The following SYN3 variants were observed in gnomAD, a reference collection of about 807,000 sequenced individuals.
SYN3 encodes synapsin-3.
In SYN3, 35 loss-of-function variants were observed where a neutral mutation model predicts 65.8. The observed-to-expected ratio is 0.53, with a 90% CI of 0.41 to 0.70. The LOEUF (loss-of-function observed/expected upper bound fraction) is 0.70. Ranked by LOEUF, SYN3 falls within the 30% of genes least tolerant of loss-of-function variation. SYN3 has a pLI of 0.00. For synonymous variants in SYN3, 270 were observed against 292.9 expected (o/e 0.92, Z 0.80); for missense variants, 680 against 749.0 (o/e 0.91, Z 1.08).
In SYN3 at chr22:32,805,029, G is replaced by A. The variant is rs1192792334; in HGVS notation, c.711+59886C>T. ...TTTCTGAAAATGTGCGTGTGTGCGT[G>A]TGTGTGTGTGTGCGCGTGTGTGGCT... On this transcript the variant is annotated intron_variant, in intron 6 of 13. Transcript: ENST00000358763. Among the ~76,000 whole-genome samples the A allele has an allele frequency of 7.6e-4, 4 of 5,298 alleles. No homozygotes were observed. In the African/African-American group the frequency reaches 0.016, roughly 21 times the overall value. The allele number at this position is 5,298 out of a possible 152,430, so 3.5% of individuals were successfully genotyped here. A position where few individuals can be genotyped will look rare whatever the true frequency, so the allele number is the denominator to read the frequency against.
At chr22:33,008,010 C>T (rs766012160) in intron 1 of SYN3, among the ~76,000 whole-genome samples, 10 of 151,716 alleles carry the variant, frequency 6.6e-5, no homozygotes, top group East Asian at 1.9e-4. Flanking sequence ...GATCTTGGCT[C>T]ACTGCAACCT....
chr22:32,523,914 C>G (rs898372811), intron 12 of SYN3, among the ~76,000 whole-genome samples: 7 of 152,182 alleles, frequency 4.6e-5, no homozygotes, highest in African/African-American at 1.7e-4. Context: ...ATCAAAACAG[C>G]CTCATTGCTG....
intron 4 of SYN3, among the ~76,000 whole-genome samples, chr22:32,919,263 C>A (rs1164970483): frequency 6.6e-6 from 1 of 152,216 alleles, no homozygotes; most frequent in Non-Finnish European, 1.5e-5. Flanking sequence ...CCTCAGGAGG[C>A]CTTCCCTGCT....
intron 3 of SYN3, among the ~76,000 whole-genome samples, chr22:32,950,284 GT>G (rs1290761136): frequency 6.6e-6 from 1 of 152,128 alleles, no homozygotes; most frequent in Non-Finnish European, 1.5e-5. Context: ...GTTCCATAAG[GT>G]TTTTCTTACT....
chr22:33,010,456 G>A lies in SYN3; in HGVS notation c.-162-3632C>T, dbSNP rs73162062. ...TATTTTTCTCCCACTAAATTGCTTT[G>A]GTGGCCTTGTTGGCACCAATTGGCT... On this transcript the variant is annotated intron_variant, in intron 1 of 13. Transcript: ENST00000358763. Among the ~76,000 whole-genome samples the A allele has an allele frequency of 5.8e-3, 884 of 152,198 alleles. 7 individuals are homozygous for A. Among genetic ancestry groups the A allele is most frequent in the South Asian group, 0.028 (135 of 4,820 alleles).
chr22:32,604,134 G>A (rs1304708325), intron 6 of SYN3, among the ~76,000 whole-genome samples: 3 of 152,196 alleles, frequency 2.0e-5, no homozygotes, highest in African/African-American at 7.2e-5. Flanking sequence ...CCCACCAAAG[G>A]AGGCAACTCC....
rs1226797888 is a variant in SYN3 at position 33,058,293 on chromosome 22, G to A, written c.-164C>T. ...ACTTTGCGGCGCCGCGCCGCTTACC[G>A]TGCGAGCCGCCAGGAACTCGGCGCC... On this transcript the variant is annotated splice_region_variant and 5_prime_UTR_variant, in exon 1 of 14. It adds an upstream start codon to the 5' untranslated region. Coordinates refer to ENST00000358763, the MANE Select transcript of SYN3 (RefSeq NM_003490.4). 6.6e-6 allele frequency: 1 copy of A among 151,684 alleles called. No individual in the cohort carries two copies. The highest frequency in any genetic ancestry group is 1.5e-5 in the Non-Finnish European group (1 of 67,802). The allele number at this position is 151,684 out of a possible 1,614,324, so 9.4% of individuals were successfully genotyped here.
chr22:32,534,780 G>A (rs2146194588), intron 9 of SYN3, among the ~76,000 whole-genome samples: 2 of 152,272 alleles, frequency 1.3e-5, no homozygotes, highest in South Asian at 4.1e-4. Flanking sequence ...GATGAGGAGG[G>A]ACTGTGACTG....
At chr22:32,928,570 T>C (rs1275242142) in intron 4 of SYN3, among the ~76,000 whole-genome samples, 1 of 152,216 alleles carries the variant, frequency 6.6e-6, no homozygotes, top group East Asian at 1.9e-4. Flanking sequence ...AGTCAAACCA[T>C]TGTAAATTGG....
intron 1 of SYN3, among the ~76,000 whole-genome samples, chr22:33,009,267 T>A (rs1198865118): frequency 2.0e-5 from 3 of 152,192 alleles, no homozygotes; most frequent in Non-Finnish European, 4.4e-5. Context: ...TTCCTCCACA[T>A]CCTTTCTCAC....
chr22:32,809,024 T>C (rs1036734213), intron 6 of SYN3, among the ~76,000 whole-genome samples: 16 of 152,252 alleles, frequency 1.1e-4, no homozygotes, highest in African/African-American at 3.9e-4. Flanking sequence ...AAAGTGGAGA[T>C]TTCTAAATGC....
intron 6 of SYN3, among the ~76,000 whole-genome samples, chr22:32,599,947 T>C (rs1057102616): frequency 6.6e-6 from 1 of 152,084 alleles, no homozygotes; most frequent in African/African-American, 2.4e-5. Flanking sequence ...GTCGCGGTCA[T>C]GTGCAAGTCT....
chr22:32,817,562 G>A (rs1293832013), intron 6 of SYN3, among the ~76,000 whole-genome samples: 1 of 152,160 alleles, frequency 6.6e-6, no homozygotes, highest in Non-Finnish European at 1.5e-5. Context: ...AGAAATGGCT[G>A]TAGTGGTGCC....
intron 6 of SYN3, among the ~76,000 whole-genome samples, chr22:32,707,372 C>A (rs1251043721): frequency 6.6e-6 from 1 of 152,208 alleles, no homozygotes; most frequent in Non-Finnish European, 1.5e-5. Flanking sequence ...CTCTTTCACT[C>A]CTAGACCTCA....
intron 13 of SYN3, 59 bp from the exon 14 acceptor site, chr22:32,513,883 G>C (rs1249902874): frequency 6.2e-7 from 1 of 1,603,276 alleles, no homozygotes; most frequent in East Asian, 2.2e-5. Context: ...AAAGAAATGG[G>C]TCTTGGGGGC....
chr22:32,931,622 A>G, intron 3 of SYN3, 141 bp from the exon 4 acceptor site: 1 of 617,626 alleles, frequency 1.6e-6, no homozygotes, highest in Non-Finnish European at 2.9e-6. Context: ...TATTATTTTC[A>G]TCTTTCTTTT....
intron 6 of SYN3, among the ~76,000 whole-genome samples, chr22:32,643,862 C>T (rs986032048): frequency 7.3e-5 from 11 of 151,294 alleles, no homozygotes; most frequent in Non-Finnish European, 1.2e-4. Context: ...GAGGCCGAGG[C>T]GGGTGGATCA....
chr22:32,994,965 GAT>G (rs765831198), intron 2 of SYN3, among the ~76,000 whole-genome samples: 4 of 152,202 alleles, frequency 2.6e-5, no homozygotes, highest in African/African-American at 4.8e-5. Flanking sequence ...CTTCCAGGAA[GAT>G]ATTCCATGAC....
chr22:32,954,860 A>G (rs1342262291), intron 3 of SYN3, among the ~76,000 whole-genome samples: 1 of 151,780 alleles, frequency 6.6e-6, no homozygotes, highest in East Asian at 1.9e-4. Flanking sequence ...TTTTTTCCAA[A>G]TGGAAAACTC....
Sources: allele counts gnomAD v4.1 joint callset (sites outside exome capture counted in the v4.1 genomes callset), GRCh38; gene constraint gnomAD v4.1.1; transcripts MANE v1.5; gene names NCBI Gene and HGNC (gene_info 2026-07-23, HGNC 2026-07-21).